Variants in PRKAR2B observed in about 807,000 individuals in gnomAD.
The protein encoded by PRKAR2B is cAMP-dependent protein kinase type II-beta regulatory subunit.
A neutral mutation model predicts 49.9 loss-of-function variants in PRKAR2B; 14 were observed. The observed-to-expected ratio is 0.28, with a 90% CI of 0.19 to 0.44. The LOEUF (loss-of-function observed/expected upper bound fraction) is 0.44, where lower values mean the gene tolerates loss of function less well. Among genes scored for constraint, PRKAR2B ranks in the 20% least tolerant of loss-of-function variants. The pLI is 1.00. For synonymous variants in PRKAR2B, 196 were observed against 197.7 expected, an observed-to-expected ratio of 0.99 and a Z score of 0.07; for missense variants, 393 against 537.9, an observed-to-expected ratio of 0.73 and a Z score of 2.67.
intron 2 of PRKAR2B, among the ~76,000 whole-genome samples, chr7:107,076,987 T>A (rs2116782312): frequency 6.6e-6 from 1 of 152,326 alleles, no homozygotes; most frequent in Admixed American, 6.5e-5. Flanking sequence ...TTCCTTTTGT[T>A]TTGTTTGGGA....
At chr7:107,125,534 T>C (rs1480389824) in intron 3 of PRKAR2B, among the ~76,000 whole-genome samples, 3 of 152,206 alleles carry the variant, frequency 2.0e-5, no homozygotes, top group Non-Finnish European at 4.4e-5. Context: ...GGTGGGATCA[T>C]GCTAAGCCCC....
chr7:107,130,799 T>C (rs904881976), intron 4 of PRKAR2B, among the ~76,000 whole-genome samples: 1 of 152,220 alleles, frequency 6.6e-6, no homozygotes, highest in Non-Finnish European at 1.5e-5. Context: ...TTAACTCTTT[T>C]GCTCCGGAGG....
chr7:107,084,631 T>C (rs1453736712), intron 2 of PRKAR2B, among the ~76,000 whole-genome samples: 2 of 151,588 alleles, frequency 1.3e-5, no homozygotes, highest in East Asian at 3.9e-4. Context: ...TACTTTTTTT[T>C]TTTTTTTGAG....
rs556859187 is a variant in PRKAR2B at position 107,151,114 on chromosome 7, T to TA, written c.843+100dup. On this transcript the variant is annotated intron_variant, in intron 7 of 10. Transcript: ENST00000265717. ...AGTTCTATAGAAAAATTTCTTTGAA[T>TA]AAAAAAAAATCTATCCATGTTTTTA... is the stretch of plus-strand genomic sequence containing the variant. 2,733 of 666,428 alleles carry TA rather than the reference T, an allele frequency of 4.1e-3. 42 individuals carry two copies. Among genetic ancestry groups the TA allele is most frequent in the African/African-American group, 0.041 (2,131 of 52,046 alleles). The allele number at this position is 666,428 out of a possible 1,614,324, so 41.3% of individuals were successfully genotyped here. A position where few individuals can be genotyped will look rare whatever the true frequency, so the allele number is the denominator to read the frequency against.
At chr7:107,135,151 A>G (rs1052915036) in intron 4 of PRKAR2B, among the ~76,000 whole-genome samples, 5 of 152,180 alleles carry the variant, frequency 3.3e-5, no homozygotes, top group African/African-American at 1.2e-4. Context: ...CAATTTAGAA[A>G]TGGGCAAAGT....
intron 2 of PRKAR2B, among the ~76,000 whole-genome samples, chr7:107,091,054 C>T (rs1038688391): frequency 1.3e-5 from 2 of 152,148 alleles, no homozygotes; most frequent in African/African-American, 4.8e-5. Context: ...TTCTTCAGAA[C>T]ATTAAGAGCA....
chr7:107,125,139 A>G (rs1396580868), intron 3 of PRKAR2B, among the ~76,000 whole-genome samples: 1 of 152,190 alleles, frequency 6.6e-6, no homozygotes, highest in Non-Finnish European at 1.5e-5. Context: ...GGCCATACAT[A>G]CAAAAACAGC....
chr7:107,124,118 T>C (rs1206463173), intron 3 of PRKAR2B, among the ~76,000 whole-genome samples: 1 of 152,232 alleles, frequency 6.6e-6, no homozygotes, highest in African/African-American at 2.4e-5. Context: ...AAGTCTGTAG[T>C]ATAAACAGAA....
chr7:107,113,424 C>G (rs1310351761), intron 2 of PRKAR2B, among the ~76,000 whole-genome samples: 3 of 152,136 alleles, frequency 2.0e-5, no homozygotes, highest in Admixed American at 2.0e-4. Context: ...TCTTAAAATT[C>G]ATAATGTTCA....
chr7:107,072,931 G>C (rs576570573), intron 2 of PRKAR2B, among the ~76,000 whole-genome samples: 1 of 152,118 alleles, frequency 6.6e-6, no homozygotes, highest in Non-Finnish European at 1.5e-5. Context: ...TCTGTACGAC[G>C]TAAGAGTTTG....
chr7:107,157,387 C>A, intron 10 of PRKAR2B, 63 bp downstream of exon 10: 1 of 1,523,916 alleles, frequency 6.6e-7, no homozygotes, highest in Non-Finnish European at 8.9e-7. Flanking sequence ...TTTATGTATT[C>A]ATGTTGAGTG....
chr7:107,121,517 C>T (rs1584439341), intron 2 of PRKAR2B, among the ~76,000 whole-genome samples: 2 of 152,034 alleles, frequency 1.3e-5, no homozygotes, highest in Admixed American at 6.6e-5. Flanking sequence ...TAATATTTGT[C>T]GCTGAAGTAC....
chr7:107,124,296 T>C (rs1463889305), intron 3 of PRKAR2B, among the ~76,000 whole-genome samples: 4 of 152,256 alleles, frequency 2.6e-5, no homozygotes, highest in Non-Finnish European at 4.4e-5. Context: ...GTATTTCTTA[T>C]GTTTCTCCAC....
At chr7:107,158,441 TTA>T (rs1796136641) in intron 10 of PRKAR2B, among the ~76,000 whole-genome samples, 2 of 152,214 alleles carry the variant, frequency 1.3e-5, no homozygotes, top group Non-Finnish European at 2.9e-5. Flanking sequence ...CTTCCAGTTG[TTA>T]AACAGTTTTC....
intron 2 of PRKAR2B, among the ~76,000 whole-genome samples, chr7:107,072,835 A>G (rs1463242062): frequency 2.0e-5 from 3 of 152,200 alleles, no homozygotes; most frequent in Non-Finnish European, 4.4e-5. Context: ...TTTCAGAGAT[A>G]CTTTTTCTTT....
At chr7:107,141,180 A>C (rs568257430) in intron 5 of PRKAR2B, among the ~76,000 whole-genome samples, 1 of 152,200 alleles carries the variant, frequency 6.6e-6, no homozygotes, top group Non-Finnish European at 1.5e-5. Flanking sequence ...TGGTTAGTCT[A>C]ATCTGTAAAT....
intron 6 of PRKAR2B, among the ~76,000 whole-genome samples, chr7:107,150,645 C>T (rs1015440806): frequency 6.7e-6 from 1 of 148,624 alleles, no homozygotes; most frequent in African/African-American, 2.5e-5. Flanking sequence ...GGGCAGAACC[C>T]AACATATTGG....
At chr7:107,082,921 T>A (rs1254877577) in intron 2 of PRKAR2B, among the ~76,000 whole-genome samples, 3 of 152,082 alleles carry the variant, frequency 2.0e-5, no homozygotes, top group Non-Finnish European at 2.9e-5. Flanking sequence ...TTAGAAGGGA[T>A]CTTGGTGTTA....
intron 1 of PRKAR2B, among the ~76,000 whole-genome samples, chr7:107,053,611 C>T (rs889053168): frequency 2.0e-5 from 3 of 150,712 alleles, no homozygotes; most frequent in South Asian, 2.1e-4. Flanking sequence ...ATTGACTCAA[C>T]AGAAGTTGGC....
Sources: gnomAD v4.1 joint callset for allele counts (sites outside exome capture counted in the v4.1 genomes callset) on GRCh38, gnomAD v4.1.1 for gene constraint, MANE v1.5 for transcripts, NCBI Gene and HGNC (gene_info 2026-07-23, HGNC 2026-07-21) for gene names.